The following SMIM44 variants were observed in gnomAD, a reference collection of about 807,000 sequenced individuals.
The protein encoded by SMIM44 is small integral membrane protein 44.
At chr19:3,482,566 A>C in the SMIM44 span, among the ~76,000 whole-genome samples, 1 of 152,226 alleles carries the variant, frequency 6.6e-6, no homozygotes, top group Non-Finnish European at 1.5e-5. Context: ...ATAATATTAC[A>C]ACGTTTTAAA....
chr19:3,482,746 G>C, the SMIM44 span: 1 of 397,512 alleles, frequency 2.5e-6, no homozygotes. Context: ...AAAGGGCTCC[G>C]GCGCGCGTAA....
At chr19:3,483,310 G>C in the SMIM44 span, 1 of 398,362 alleles carries the variant, frequency 2.5e-6, no homozygotes, top group Non-Finnish European at 4.4e-6. Context: ...CTGGGCAGGC[G>C]GATGCTGTCC....
the SMIM44 span, among the ~76,000 whole-genome samples, chr19:3,482,127 T>C: frequency 1.3e-5 from 2 of 152,180 alleles, no homozygotes; most frequent in Non-Finnish European, 2.9e-5. Flanking sequence ...CAGGCAGGCA[T>C]CTATTAAACT....
At chr19:3,482,966 C>A in the SMIM44 span, 4 of 398,384 alleles carry the variant, frequency 1.0e-5, no homozygotes, top group Non-Finnish European at 1.8e-5. Context: ...GCTGCAGGTC[C>A]AGCCCCTCCA....
At chr19:3,482,865 G>C in the SMIM44 span, 2 of 398,062 alleles carry the variant, frequency 5.0e-6, no homozygotes. Flanking sequence ...GGCAATGGAG[G>C]GGCGGCGGGG....
the SMIM44 span, chr19:3,483,409 C>T: frequency 5.0e-6 from 2 of 397,728 alleles, no homozygotes; most frequent in African/African-American, 4.1e-5. Context: ...GGCATGGTGT[C>T]CGCCCGGCAC....
the SMIM44 span, chr19:3,483,020 C>T: frequency 5.0e-6 from 2 of 398,432 alleles, no homozygotes; most frequent in African/African-American, 4.1e-5. Context: ...GGGGTGCGGC[C>T]TCCTGGTCTG....
the SMIM44 span, among the ~76,000 whole-genome samples, chr19:3,482,172 A>G: frequency 1.3e-5 from 2 of 152,222 alleles, no homozygotes; most frequent in Non-Finnish European, 2.9e-5. Context: ...AGGGCTTGGA[A>G]GAGAAGGAGG....
chr19:3,482,665 C>T, the SMIM44 span: 1 of 395,588 alleles, frequency 2.5e-6, no homozygotes, highest in East Asian at 3.6e-5. Flanking sequence ...TCGCCAGCGT[C>T]CAACCCCCGG....
the SMIM44 span, among the ~76,000 whole-genome samples, chr19:3,482,475 A>G: frequency 6.6e-6 from 1 of 152,246 alleles, no homozygotes; most frequent in Non-Finnish European, 1.5e-5. Context: ...CCTACCTCGG[A>G]GGATTAAATG....
chr19:3,482,532 C>A, the SMIM44 span, among the ~76,000 whole-genome samples: 1 of 152,220 alleles, frequency 6.6e-6, no homozygotes, highest in African/African-American at 2.4e-5. Flanking sequence ...CAGGTACACG[C>A]TAAGCACTCG....
the SMIM44 span, chr19:3,482,869 G>A: frequency 5.0e-6 from 2 of 397,990 alleles, no homozygotes; most frequent in East Asian, 7.1e-5. Context: ...ATGGAGGGGC[G>A]GCGGGGCTCC....
At chr19:3,482,301 C>T in the SMIM44 span, among the ~76,000 whole-genome samples, 1 of 152,176 alleles carries the variant, frequency 6.6e-6, no homozygotes, top group Non-Finnish European at 1.5e-5. Context: ...GGGAGCCCAG[C>T]AGAGGGGGTG....
the SMIM44 span, chr19:3,482,708 C>A: frequency 5.0e-6 from 2 of 396,616 alleles, no homozygotes; most frequent in South Asian, 1.4e-4. Context: ...AAGCCGTCCG[C>A]TGCGACCGGG....
chr19:3,482,715 C>A, the SMIM44 span: 4 of 396,618 alleles, frequency 1.0e-5, no homozygotes, highest in African/African-American at 2.1e-5. Context: ...CCGCTGCGAC[C>A]GGGCAGCTCA....
the SMIM44 span, chr19:3,483,426 G>C: frequency 5.0e-6 from 2 of 397,636 alleles, no homozygotes; most frequent in Non-Finnish European, 8.9e-6. Flanking sequence ...GCACAGGGGA[G>C]GCCCGGAGGT....
At chr19:3,483,123 G>A in the SMIM44 span, 1 of 398,310 alleles carries the variant, frequency 2.5e-6, no homozygotes, top group African/African-American at 2.1e-5. Context: ...TCAGCTAGGA[G>A]AAGCACTAGG....
At chr19:3,482,306 G>A in the SMIM44 span, among the ~76,000 whole-genome samples, 1 of 152,316 alleles carries the variant, frequency 6.6e-6, no homozygotes, top group Non-Finnish European at 1.5e-5. Flanking sequence ...CCCAGCAGAG[G>A]GGGTGGGGGC....
chr19:3,483,343 C>A, the SMIM44 span: 1 of 398,244 alleles, frequency 2.5e-6, no homozygotes, highest in Non-Finnish European at 4.4e-6. Context: ...CGGTACTCCT[C>A]GTACAGCGGC....
Sources: allele counts gnomAD v4.1 joint callset (sites outside exome capture counted in the v4.1 genomes callset), GRCh38; gene constraint gnomAD v4.1.1; transcripts MANE v1.5; gene names NCBI Gene and HGNC (gene_info 2026-07-23, HGNC 2026-07-21).